PDE3A: variants seen among roughly 807,000 people sequenced by gnomAD.
PDE3A encodes phosphodiesterase 3A, also known as cGMP-inhibited 3',5'-cyclic phosphodiesterase 3A.
Under a neutral mutation model 98.3 loss-of-function variants are expected in PDE3A, and 43 were observed. The ratio of observed to expected loss-of-function variants is 0.44; its 90% CI spans 0.34 to 0.56. The LOEUF (loss-of-function observed/expected upper bound fraction) is 0.56. Among genes scored for constraint, PDE3A ranks in the 20% least tolerant of loss-of-function variants. The pLI, the probability that PDE3A is intolerant of heterozygous loss-of-function variation, is 0.01. For missense variants in PDE3A, 1,427 were observed against 1,440.7 expected (o/e 0.99, Z 0.15); for synonymous variants, 663 against 567.9 (o/e 1.17, Z -2.38).
intron 1 of PDE3A, among the ~76,000 whole-genome samples, chr12:20,523,951 A>G (rs867712661): frequency 6.6e-6 from 1 of 152,166 alleles, no homozygotes; most frequent in Middle Eastern, 3.2e-3. Context: ...TGTGTGTATC[A>G]CTGATAAAAG....
intron 10 of PDE3A, among the ~76,000 whole-genome samples, chr12:20,643,695 T>A (rs1406924885): frequency 6.6e-6 from 1 of 152,150 alleles, no homozygotes; most frequent in Admixed American, 6.6e-5. Context: ...ATACATACTG[T>A]CTTTACCTCG....
At chr12:20,469,226 G>A (rs943050771) in intron 1 of PDE3A, among the ~76,000 whole-genome samples, 4 of 152,096 alleles carry the variant, frequency 2.6e-5, no homozygotes, top group Non-Finnish European at 5.9e-5. Context: ...AACACAGAAT[G>A]ACTGATATTT....
intron 1 of PDE3A, among the ~76,000 whole-genome samples, chr12:20,553,981 GT>G (rs376885475): frequency 6.3e-4 from 91 of 144,940 alleles, no homozygotes; most frequent in Admixed American, 8.9e-4. Flanking sequence ...TTACAAGAGG[GT>G]TTTTTTTTTA....
intron 2 of PDE3A, among the ~76,000 whole-genome samples, chr12:20,600,255 A>G (rs554349867): frequency 1.3e-5 from 2 of 152,270 alleles, no homozygotes; most frequent in East Asian, 3.9e-4. Context: ...TCATCCAATA[A>G]ATACCTCAGT....
intron 2 of PDE3A, among the ~76,000 whole-genome samples, chr12:20,569,861 A>G (rs1275256707): frequency 1.3e-5 from 2 of 152,208 alleles, no homozygotes; most frequent in African/African-American, 4.8e-5. Flanking sequence ...TCTAACAGCA[A>G]GTGCCACTTT....
intron 1 of PDE3A, among the ~76,000 whole-genome samples, chr12:20,400,645 C>T (rs1565537480): frequency 6.6e-6 from 1 of 152,050 alleles, no homozygotes; most frequent in South Asian, 2.1e-4. Flanking sequence ...GTCTCGATCT[C>T]CTGACCTCGT....
intron 1 of PDE3A, among the ~76,000 whole-genome samples, chr12:20,403,327 C>T (rs1944168487): frequency 6.6e-6 from 1 of 152,134 alleles, no homozygotes; most frequent in African/African-American, 2.4e-5. Flanking sequence ...AGTTAGCTGT[C>T]CGGTGTGGTG....
chr12:20,481,981 G>C (rs7137427), intron 1 of PDE3A, among the ~76,000 whole-genome samples: 1 of 151,616 alleles, frequency 6.6e-6, no homozygotes, highest in East Asian at 1.9e-4. Context: ...AGCCAGGATG[G>C]TCTCGATCTC....
At chr12:20,671,462 C>G (rs1165607774) in intron 15 of PDE3A, among the ~76,000 whole-genome samples, 1 of 133,854 alleles carries the variant, frequency 7.5e-6, no homozygotes, top group African/African-American at 2.6e-5. Context: ...AAAATACTGG[C>G]AAACTGAATC....
In PDE3A at chr12:20,552,645, G is replaced by A. The variant is rs980534669; in HGVS notation, c.961-4015G>A. 3 of 1,613,940 alleles carry A rather than the reference G, an allele frequency of 1.9e-6. No individual in the cohort carries two copies. The highest frequency in any genetic ancestry group is 3.3e-4 in the Middle Eastern group (2 of 6,062). ...GGACATCCAAGAAAACCAAGGTGGA[G>A]CCCTACAGTCTCACGGCCCAGCAGA... On this transcript the variant is annotated intron_variant, in intron 1 of 15. Transcript: ENST00000359062. The surrounding 1 kb of genome is among the most constrained non-coding windows in gnomAD (Gnocchi z 5.1).
At chr12:20,415,716 C>T (rs1398437502) in intron 1 of PDE3A, among the ~76,000 whole-genome samples, 7 of 152,176 alleles carry the variant, frequency 4.6e-5, no homozygotes, top group African/African-American at 1.7e-4. Flanking sequence ...GGATTACAGG[C>T]GTGAGCCACC....
intron 5 of PDE3A, among the ~76,000 whole-genome samples, chr12:20,622,881 A>G (rs116648434): frequency 0.013 from 2,034 of 152,272 alleles, 44 homozygotes; most frequent in African/African-American, 0.046. Context: ...ATCAGATTCA[A>G]ACATGGAGCT....
intron 1 of PDE3A, among the ~76,000 whole-genome samples, chr12:20,479,748 G>A (rs1945591281): frequency 6.6e-6 from 1 of 152,200 alleles, no homozygotes; most frequent in Non-Finnish European, 1.5e-5. Flanking sequence ...TGCAGCTTCA[G>A]TCGCCATTGC....
At chr12:20,452,311 T>G (rs35124237) in intron 1 of PDE3A, among the ~76,000 whole-genome samples, 1 of 152,150 alleles carries the variant, frequency 6.6e-6, no homozygotes, top group Non-Finnish European at 1.5e-5. Context: ...AACAAAATAA[T>G]TTTTTAGAAT....
At chr12:20,485,401 T>C (rs1591979501) in intron 1 of PDE3A, among the ~76,000 whole-genome samples, 1 of 152,274 alleles carries the variant, frequency 6.6e-6, no homozygotes, top group East Asian at 1.9e-4. Flanking sequence ...TCAAATAAGG[T>C]CATGTTTATT....
At chr12:20,478,165 A>G (rs963273116) in intron 1 of PDE3A, among the ~76,000 whole-genome samples, 1 of 152,226 alleles carries the variant, frequency 6.6e-6, no homozygotes, top group Non-Finnish European at 1.5e-5. Context: ...CTAGATTTTT[A>G]TAAAGTGTTC....
At position 20,680,164 on chromosome 12, in the gene PDE3A, AC is replaced by A; in HGVS notation, c.3323del (p.Pro1108LeufsTer38). On this transcript the variant is annotated frameshift_variant, in exon 16 of 16. Transcript: ENST00000359062. LOFTEE classifies it high-confidence loss of function. ...CATAGAAAATCAATCCCTGGACCAG[AC>A]CCCTCAGTCGCACTCTTCAGAACAG... Reference protein sequence around the residue: ...AGIENQSLDQTPQSHSSEQIQ... With the variant: ...AGIENQSLDQXPQSHSSEQIQ... The A allele has an allele frequency of 6.2e-7, 1 of 1,613,880 alleles. No homozygotes were observed. The highest frequency in any genetic ancestry group is 1.1e-5 in the South Asian group (1 of 91,070).
chr12:20,593,559 AAT>A (rs1213319128), intron 2 of PDE3A, among the ~76,000 whole-genome samples: 1 of 151,966 alleles, frequency 6.6e-6, no homozygotes, highest in Non-Finnish European at 1.5e-5. Flanking sequence ...AAAAAAAAAA[AAT>A]GTCAGTCTTG....
At chr12:20,624,343 C>T (rs929585146) in intron 5 of PDE3A, among the ~76,000 whole-genome samples, 1 of 152,066 alleles carries the variant, frequency 6.6e-6, no homozygotes, top group African/African-American at 2.4e-5. Flanking sequence ...GATCAAGAAG[C>T]TGAAAATTAT....
Sources: gnomAD v4.1 joint callset for allele counts (sites outside exome capture counted in the v4.1 genomes callset) on GRCh38, gnomAD v4.1.1 for gene constraint, Gnocchi (gnomAD v3.1) non-coding constraint, MANE v1.5 for transcripts, NCBI Gene and HGNC (gene_info 2026-07-23, HGNC 2026-07-21) for gene names.